DIAPH2: variants seen among roughly 807,000 people sequenced by gnomAD.
DIAPH2 encodes protein diaphanous homolog 2.
Under a neutral mutation model 92.7 loss-of-function variants are expected in DIAPH2, and 35 were observed. The ratio of observed to expected loss-of-function variants is 0.38; its 90% CI spans 0.29 to 0.50. The LOEUF (loss-of-function observed/expected upper bound fraction) is 0.50. DIAPH2 is among the 20% of genes least tolerant of loss of function. DIAPH2 has a pLI of 0.94. For missense variants in DIAPH2, 701 were observed against 819.5 expected (o/e 0.86, Z 1.77); for synonymous variants, 301 against 280.4 (o/e 1.07, Z -0.73).
At chrX:97,502,105 A>AT (rs1201888880) in intron 26 of DIAPH2, among the ~76,000 whole-genome samples, 6 of 110,763 alleles carry the variant, frequency 5.4e-5, no homozygotes, top group East Asian at 2.8e-4. Context: ...GTCCAGCCTT[A>AT]TTTTTTTTTA....
intron 19 of DIAPH2, among the ~76,000 whole-genome samples, chrX:97,089,043 T>C (rs1420510410): frequency 3.6e-5 from 4 of 111,518 alleles, no homozygotes; most frequent in Admixed American, 9.6e-5. Context: ...ATGTTGTATA[T>C]AATTTTAAAA....
At chrX:97,473,058 T>G (rs141596921) in intron 26 of DIAPH2, among the ~76,000 whole-genome samples, 4 of 112,430 alleles carry the variant, frequency 3.6e-5, no homozygotes, top group Non-Finnish European at 7.5e-5. Context: ...CCAGATCTCA[T>G]AGAGTCATGT....
chrX:97,067,168 A>T (rs933254089), intron 17 of DIAPH2, among the ~76,000 whole-genome samples: 1 of 111,806 alleles, frequency 8.9e-6, no homozygotes, highest in Non-Finnish European at 1.9e-5. Flanking sequence ...TGGTGAACAC[A>T]TGTGTTATTC....
intron 23 of DIAPH2, among the ~76,000 whole-genome samples, chrX:97,324,150 A>G (rs1440906646): frequency 1.8e-5 from 2 of 111,598 alleles, no homozygotes; most frequent in Non-Finnish European, 3.8e-5. Context: ...TGATATTCCC[A>G]TTCGAGAAGC....
chrX:97,310,382 C>T (rs1267000367), intron 23 of DIAPH2, among the ~76,000 whole-genome samples: 1 of 111,712 alleles, frequency 9.0e-6, no homozygotes, highest in African/African-American at 3.3e-5. Flanking sequence ...AAAGTATGTT[C>T]AAAGGCGATA....
Position 96,833,593 on chromosome X carries a change from G to C in DIAPH2, c.448-47986G>C, listed in dbSNP as rs201682745. 3.6e-5 allele frequency among the ~76,000 whole-genome samples: 4 copies of C among 111,359 alleles called. No homozygotes were observed. In the East Asian group the frequency reaches 1.1e-3, roughly 31 times the overall value. On this transcript the variant is annotated intron_variant, in intron 4 of 26. Transcript: ENST00000324765. ...ACGTCATTATATAAAGACAAGTCTAGAAAAATCAGATAGATTCACAGGCCT... is the reference window on the plus strand; with the variant it reads ...ACGTCATTATATAAAGACAAGTCTACAAAAATCAGATAGATTCACAGGCCT...
chrX:97,146,341 C>CT (rs1241834821), intron 22 of DIAPH2, among the ~76,000 whole-genome samples: 39 of 102,398 alleles, frequency 3.8e-4, no homozygotes, highest in South Asian at 8.6e-4. Context: ...AAAAGATTGT[C>CT]TTTTTTTTTT....
At chrX:97,587,637 T>G (rs765948807) in intron 26 of DIAPH2, among the ~76,000 whole-genome samples, 3 of 111,917 alleles carry the variant, frequency 2.7e-5, no homozygotes, top group South Asian at 7.4e-4. Context: ...TATAAACATC[T>G]GTTTGCATCT....
rs1285842065 is a variant in DIAPH2 at position 97,195,656 on chromosome X, G to C, written c.2720-52059G>C. ...AGCCTGGGCGATAGAGCAAGACTCC[G>C]TCTCAAAAAAAAAAAAAAAAAAAGT... On this transcript the variant is annotated intron_variant, in intron 22 of 26. Transcript: ENST00000324765. Among the ~76,000 whole-genome samples, 5 of 71,308 alleles carry C rather than the reference G, an allele frequency of 7.0e-5. No individual in the cohort carries two copies. The South Asian group carries it at 3.7e-3, about 53-fold the overall frequency. The allele number at this position is 71,308 out of a possible 115,157, so 61.9% of individuals were successfully genotyped here. A position where few individuals can be genotyped will look rare whatever the true frequency, so the allele number is the denominator to read the frequency against.
At chrX:96,890,072 G>A (rs1470465404) in intron 5 of DIAPH2, among the ~76,000 whole-genome samples, 4 of 111,648 alleles carry the variant, frequency 3.6e-5, no homozygotes, top group East Asian at 5.7e-4. Flanking sequence ...AGAACATGTT[G>A]TACATTACTC....
intron 25 of DIAPH2, among the ~76,000 whole-genome samples, chrX:97,409,105 T>G (rs944594689): frequency 5.4e-5 from 6 of 112,078 alleles, no homozygotes; most frequent in African/African-American, 1.6e-4. Context: ...AAACTCTGAT[T>G]ATGAAATATT....
At chrX:96,991,529 GT>G (rs778607447) in intron 17 of DIAPH2, among the ~76,000 whole-genome samples, 8 of 49,944 alleles carry the variant, frequency 1.6e-4, no homozygotes, top group Non-Finnish European at 2.8e-4. Context: ...AAGGTATCCT[GT>G]TTTATGGTGT....
At chrX:97,058,899 C>T (rs759075769) in intron 17 of DIAPH2, among the ~76,000 whole-genome samples, 1 of 111,763 alleles carries the variant, frequency 8.9e-6, no homozygotes, top group Non-Finnish European at 1.9e-5. Flanking sequence ...AAGATGCATA[C>T]ATGAAAATTA....
At chrX:96,962,366 CACAT>C (rs1159913926) in intron 16 of DIAPH2, among the ~76,000 whole-genome samples, 8 of 45,144 alleles carry the variant, frequency 1.8e-4, no homozygotes, top group South Asian at 2.5e-3. Context: ...TATATATATA[CACAT>C]ATATATATAC....
intron 26 of DIAPH2, among the ~76,000 whole-genome samples, chrX:97,447,933 T>G: frequency 8.9e-6 from 1 of 112,331 alleles, no homozygotes; most frequent in Non-Finnish European, 1.9e-5. Context: ...GTTTTCAATT[T>G]AAATATCACG....
intron 5 of DIAPH2, among the ~76,000 whole-genome samples, chrX:96,895,841 G>A (rs1449585195): frequency 8.9e-6 from 1 of 112,061 alleles, no homozygotes; most frequent in Non-Finnish European, 1.9e-5. Flanking sequence ...GAAGTTAGTA[G>A]GAAGCAACCC....
intron 22 of DIAPH2, among the ~76,000 whole-genome samples, chrX:97,159,343 A>C (rs2067348019): frequency 8.9e-6 from 1 of 112,305 alleles, no homozygotes; most frequent in Admixed American, 9.5e-5. Flanking sequence ...TTAATTGAAT[A>C]ATATATTATG....
rs1227996753 is a variant in DIAPH2 at position 97,291,863 on chromosome X, G to A, written c.2844+44024G>A. On this transcript the variant is annotated intron_variant, in intron 23 of 26. Coordinates refer to ENST00000324765, the MANE Select transcript of DIAPH2 (RefSeq NM_006729.5). ...AGTAAACACTTTCATATACAATACT[G>A]TCATTTGATCCTTCAACTATCTGGT... 2.7e-5 allele frequency among the ~76,000 whole-genome samples: 3 copies of A among 110,928 alleles called. No individual in the cohort carries two copies. In the Admixed American group the frequency reaches 2.9e-4, roughly 11 times the overall value.
intron 10 of DIAPH2, among the ~76,000 whole-genome samples, chrX:96,935,725 CA>C (rs2065653250): frequency 9.0e-6 from 1 of 111,638 alleles, no homozygotes; most frequent in South Asian, 3.7e-4. Flanking sequence ...CACATTTAAC[CA>C]GTTATTTTCA....
Sources: allele counts gnomAD v4.1 joint callset (sites outside exome capture counted in the v4.1 genomes callset), GRCh38; gene constraint gnomAD v4.1.1; transcripts MANE v1.5; gene names NCBI Gene and HGNC (gene_info 2026-07-23, HGNC 2026-07-21).